CFAP54: variants seen among roughly 807,000 people sequenced by gnomAD.
CFAP54 encodes cilia and flagella associated protein 54, also known as cilia- and flagella-associated protein 54.
CFAP54 carries 290 observed loss-of-function variants against 370.4 expected under a neutral mutation model. That is an observed-to-expected ratio of 0.78 (90% CI 0.71 to 0.86). The LOEUF (loss-of-function observed/expected upper bound fraction) is 0.86. CFAP54 is among the 40% of genes least tolerant of loss of function. The probability of loss-of-function intolerance (pLI) is 0.00; values close to 1 mark genes in which losing one functional copy is unlikely to be tolerated. For synonymous variants in CFAP54, 1,206 were observed against 1,236.5 expected, an observed-to-expected ratio of 0.98 and a Z score of 0.52; for missense variants, 3,399 against 3,528.7, an observed-to-expected ratio of 0.96 and a Z score of 0.93.
chr12:96,743,500 G>A lies in CFAP54; in HGVS notation c.7318G>A (p.Ala2440Thr). ...ACTGCAGGCTGAATTCTTGACGCAA[G>A]CTGTAATTCTTGGCCTACAAGAAAA... The part of the protein sequence containing the change: ...TELQAEFLTQ[A>T]VILGLQEKHL... The change falls in exon 53 of 68, where the codon GCT becomes ACT. Residue 2440 changes from alanine to threonine, a missense_variant. Around this residue, in one of 3 missense-constraint regions of CFAP54, gnomAD observed 2,796 missense variants for 2,869.7 expected, o/e 0.97. Coordinates refer to ENST00000524981, the MANE Select transcript of CFAP54 (RefSeq NM_001306084.2). The A allele has an allele frequency of 6.2e-7, 1 of 1,614,106 alleles. No individual in the cohort carries two copies. The highest frequency in any genetic ancestry group is 8.5e-7 in the Non-Finnish European group (1 of 1,179,986).
intron 4 of CFAP54, among the ~76,000 whole-genome samples, chr12:96,507,955 T>C (rs948049944): frequency 2.0e-5 from 3 of 152,106 alleles, no homozygotes; most frequent in African/African-American, 7.2e-5. Flanking sequence ...AGATTCGATG[T>C]TACCTGCGCC....
At chr12:96,786,982 A>G in intron 62 of CFAP54, 84 bp downstream of exon 62, 1 of 1,006,346 alleles carries the variant, frequency 9.9e-7, no homozygotes, top group Non-Finnish European at 1.4e-6. Context: ...ATTAGCTTCC[A>G]TGCTGGCACA....
intron 26 of CFAP54, among the ~76,000 whole-genome samples, chr12:96,615,683 C>T (rs1278044584): frequency 6.6e-6 from 1 of 152,120 alleles, no homozygotes; most frequent in Non-Finnish European, 1.5e-5. Context: ...ATAAACAACC[C>T]CATCAACAAG....
chr12:96,766,785 C>G lies in CFAP54; in HGVS notation c.8281+1567C>G, dbSNP rs141695830. Among the ~76,000 whole-genome samples, 261 of 152,262 alleles carry G rather than the reference C, an allele frequency of 1.7e-3. 1 individual carries two copies. Among genetic ancestry groups the G allele is most frequent in the African/African-American group, 5.9e-3 (245 of 41,548 alleles). On this transcript the variant is annotated intron_variant, in intron 60 of 67. Coordinates refer to ENST00000524981, the MANE Select transcript of CFAP54 (RefSeq NM_001306084.2). ...TTCTGAATGATGTGTTTACTTTACCCTAGTCATTTCCTTGTGTTTTCCCAG... is the reference window on the plus strand; with the variant it reads ...TTCTGAATGATGTGTTTACTTTACCGTAGTCATTTCCTTGTGTTTTCCCAG...
chr12:96,800,962 G>C (rs1224186916), intron 63 of CFAP54, among the ~76,000 whole-genome samples: 1 of 152,180 alleles, frequency 6.6e-6, no homozygotes, highest in East Asian at 1.9e-4. Context: ...GATGGTCCTG[G>C]CTATAGGCAC....
At chr12:96,730,550 A>G (rs541840482) in intron 50 of CFAP54, among the ~76,000 whole-genome samples, 1 of 152,348 alleles carries the variant, frequency 6.6e-6, no homozygotes, top group Admixed American at 6.5e-5. Flanking sequence ...AATTCTATAA[A>G]TGAAACAATA....
chr12:96,535,971 T>A (rs1055164388), intron 12 of CFAP54, among the ~76,000 whole-genome samples: 1 of 152,212 alleles, frequency 6.6e-6, no homozygotes, highest in Non-Finnish European at 1.5e-5. Context: ...AAATGACCTA[T>A]AAGAGGGTAC....
intron 66 of CFAP54, among the ~76,000 whole-genome samples, chr12:96,840,051 T>C (rs1959202186): frequency 6.6e-6 from 1 of 152,242 alleles, no homozygotes; most frequent in Non-Finnish European, 1.5e-5. Context: ...TAGACTCTAC[T>C]CCTTCACTGG....
intron 66 of CFAP54, among the ~76,000 whole-genome samples, chr12:96,851,007 T>C (rs1332270849): frequency 1.3e-5 from 2 of 152,214 alleles, no homozygotes; most frequent in African/African-American, 4.8e-5. Context: ...GTAAAAACCA[T>C]ATCACTTTGT....
At chr12:96,560,866 T>C (rs1420866427) in intron 17 of CFAP54, among the ~76,000 whole-genome samples, 1 of 152,212 alleles carries the variant, frequency 6.6e-6, no homozygotes, top group Non-Finnish European at 1.5e-5. Flanking sequence ...CCTTCCTGAA[T>C]TAATTATTAC....
chr12:96,792,508 T>G lies in CFAP54; in HGVS notation c.8850+9T>G, dbSNP rs1204317241. 3.3e-6 allele frequency: 5 copies of G among 1,522,016 alleles called. No individual in the cohort carries two copies. The African/African-American group carries it at 6.9e-5, about 21-fold the overall frequency. The allele number at this position is 1,522,016 out of a possible 1,614,324, so 94.3% of individuals were successfully genotyped here. A position where few individuals can be genotyped will look rare whatever the true frequency, so the allele number is the denominator to read the frequency against. ...AGGAGACAGAACCTATGGTATGTAA[T>G]GTACTTATAGAACTCAATATTTCAT... is the stretch of plus-strand genomic sequence containing the variant. On this transcript the variant is annotated intron_variant, in intron 63 of 67. Coordinates refer to ENST00000524981, the MANE Select transcript of CFAP54 (RefSeq NM_001306084.2).
At chr12:96,698,556 C>G (rs1434884402) in intron 45 of CFAP54, among the ~76,000 whole-genome samples, 1 of 152,136 alleles carries the variant, frequency 6.6e-6, no homozygotes, top group African/African-American at 2.4e-5. Context: ...AGGCCATTAT[C>G]CTAAGCAGAC....
chr12:96,655,984 T>C (rs919154867), intron 36 of CFAP54, among the ~76,000 whole-genome samples: 1 of 152,158 alleles, frequency 6.6e-6, no homozygotes, highest in African/African-American at 2.4e-5. Context: ...ATTTTGGGGA[T>C]ATAATTCAAA....
At chr12:96,604,664 T>C (rs886816136) in intron 26 of CFAP54, among the ~76,000 whole-genome samples, 2 of 152,190 alleles carry the variant, frequency 1.3e-5, no homozygotes, top group Non-Finnish European at 2.9e-5. Flanking sequence ...TAGAACCACC[T>C]ACTCAAGCCT....
At position 96,540,779 on chromosome 12, in the gene CFAP54, CTG is replaced by C. The variant is rs140560379; in HGVS notation, c.1927-56_1927-55del. On this transcript the variant is annotated intron_variant, in intron 13 of 67. Transcript: ENST00000524981. Reference sequence around the variant, plus strand: ...GAAGTATAAGTTTTGAAAAATGTGACTGTTTCTACAGTTTCATATACTTTTAA... The same window carrying C: ...GAAGTATAAGTTTTGAAAAATGTGACTTTCTACAGTTTCATATACTTTTAA... 2.7e-3 allele frequency: 3,085 copies of C among 1,124,516 alleles called. 57 individuals are homozygous for C. The African/African-American group carries it at 0.042, about 15-fold the overall frequency. 69.7% of individuals were successfully genotyped at this position (1,124,516 alleles called of 1,614,324 possible).
Position 96,783,941 on chromosome 12 carries a change from C to T in CFAP54, c.8282-776C>T, listed in dbSNP as rs1958604903. On this transcript the variant is annotated intron_variant, in intron 60 of 67. Coordinates refer to ENST00000524981, the MANE Select transcript of CFAP54 (RefSeq NM_001306084.2). ...TCAGAAAATCAAAAGCCCAGAGAGG[C>T]CGAAGGCACAGAGAGATTCAAGGTC... 2.0e-5 allele frequency among the ~76,000 whole-genome samples: 3 copies of T among 152,222 alleles called. No individual in the cohort carries two copies. In the South Asian group the frequency reaches 6.2e-4, roughly 32 times the overall value.
At chr12:96,646,224 G>C (rs981346357) in intron 33 of CFAP54, 1 of 152,082 alleles carries the variant, frequency 6.6e-6, no homozygotes, top group African/African-American at 2.4e-5. Flanking sequence ...CTAATATCCA[G>C]AATCTACAAT....
chr12:96,520,740 G>C (rs12426344), intron 6 of CFAP54, among the ~76,000 whole-genome samples: 15,219 of 152,242 alleles, frequency 0.1, 1,244 homozygotes, highest in East Asian at 0.45. Context: ...GCGTAAGCTG[G>C]ATTTCTGCTC....
chr12:96,613,018 G>T (rs1191037888), intron 26 of CFAP54, among the ~76,000 whole-genome samples: 1 of 152,160 alleles, frequency 6.6e-6, no homozygotes, highest in African/African-American at 2.4e-5. Flanking sequence ...GCACCAGGCA[G>T]ACCTAATAGA....
Sources: allele counts gnomAD v4.1 joint callset (sites outside exome capture counted in the v4.1 genomes callset), GRCh38; gene constraint gnomAD v4.1.1; regional missense constraint gnomAD v4.1.1; transcripts MANE v1.5; gene names NCBI Gene and HGNC (gene_info 2026-07-23, HGNC 2026-07-21).